FSHR: variants seen among roughly 807,000 people sequenced by gnomAD.
The protein encoded by FSHR is follicle stimulating hormone receptor.
Under a neutral mutation model 52.1 loss-of-function variants are expected in FSHR, and 46 were observed. The ratio of observed to expected loss-of-function variants is 0.88; its 90% CI spans 0.70 to 1.13. FSHR has a LOEUF of 1.13. Among genes scored for constraint, FSHR ranks in the 50% most tolerant of loss-of-function variants. The probability of loss-of-function intolerance (pLI) is 0.00; values close to 1 mark genes in which losing one functional copy is unlikely to be tolerated. For synonymous variants in FSHR, 399 were observed against 309.6 expected, an observed-to-expected ratio of 1.29 and a Z score of -3.03; for missense variants, 964 against 834.6, an observed-to-expected ratio of 1.16 and a Z score of -1.91.
chr2:48,980,205 C>T (rs1356755263), intron 8 of FSHR, among the ~76,000 whole-genome samples: 1 of 152,174 alleles, frequency 6.6e-6, no homozygotes, highest in African/African-American at 2.4e-5. Flanking sequence ...GGGCTTCCAG[C>T]CAGGATCCTG....
chr2:48,980,139 A>G (rs1422339528), intron 8 of FSHR, among the ~76,000 whole-genome samples: 1 of 152,232 alleles, frequency 6.6e-6, no homozygotes, highest in Non-Finnish European at 1.5e-5. Flanking sequence ...CTTGATGTTA[A>G]GGTGAACAAT....
At position 48,963,857 on chromosome 2, in the gene FSHR, A is replaced by G; in HGVS notation, c.964T>C (p.Tyr322His). 1 of 1,614,174 alleles carries G rather than the reference A, an allele frequency of 6.2e-7. No individual in the cohort carries two copies. Among genetic ancestry groups the G allele is most frequent in the Non-Finnish European group, 8.5e-7 (1 of 1,180,002 alleles). Residue 322 changes from tyrosine to histidine, a missense_variant, in exon 10 of 10, where the codon TAC (tyrosine) becomes CAC (histidine). Coordinates refer to ENST00000406846, the MANE Select transcript of FSHR (RefSeq NM_000145.4). Reference sequence around the variant, plus strand: ...TACGTCATGTCAAATCCTCTGCTGTAGCTGGACTCATTGTCTTCTGCCAGA... The same window carrying G: ...TACGTCATGTCAAATCCTCTGCTGTGGCTGGACTCATTGTCTTCTGCCAGA... ...SSLAEDNESSYSRGFDMTYTE... is the reference protein window; with the variant it reads ...SSLAEDNESSHSRGFDMTYTE...
At chr2:49,115,650 T>C (rs1386221745) in intron 1 of FSHR, among the ~76,000 whole-genome samples, 3 of 152,128 alleles carry the variant, frequency 2.0e-5, no homozygotes, top group Non-Finnish European at 4.4e-5. Context: ...TAAATCATGC[T>C]CTATTGTATC....
intron 5 of FSHR, among the ~76,000 whole-genome samples, chr2:48,990,162 T>C (rs1009468526): frequency 7.2e-5 from 11 of 152,162 alleles, no homozygotes; most frequent in African/African-American, 2.7e-4. Context: ...ATTAACTCTT[T>C]AATATGAATG....
At chr2:49,003,789 C>T (rs1666989180) in intron 4 of FSHR, among the ~76,000 whole-genome samples, 1 of 151,160 alleles carries the variant, frequency 6.6e-6, no homozygotes, top group East Asian at 1.9e-4. Flanking sequence ...ACCCCCACCC[C>T]TTGGAGTAGT....
chr2:49,102,640 G>A (rs1160752003), intron 1 of FSHR, among the ~76,000 whole-genome samples: 2 of 152,170 alleles, frequency 1.3e-5, no homozygotes, highest in Admixed American at 1.3e-4. Context: ...GTCTTTAATA[G>A]AGTTAACATA....
At position 48,965,120 on chromosome 2, in the gene FSHR, C is replaced by T. The variant is rs138214299; in HGVS notation, c.855-1154G>A. Among the ~76,000 whole-genome samples the T allele has an allele frequency of 4.1e-4, 63 of 151,882 alleles. No homozygotes were observed. In the East Asian group the frequency reaches 0.01, roughly 25 times the overall value. On this transcript the variant is annotated intron_variant, in intron 9 of 9. Coordinates refer to ENST00000406846, the MANE Select transcript of FSHR (RefSeq NM_000145.4). ...TTGACATAACCTCAGATATAAGTGG[C>T]GAAGTAAGTATCAAACCTTCTTAAG...
intron 1 of FSHR, among the ~76,000 whole-genome samples, chr2:49,085,032 GAC>G (rs1010193281): frequency 1.4e-4 from 21 of 152,014 alleles, no homozygotes; most frequent in Admixed American, 1.3e-4. Context: ...GCCTGGTAGA[GAC>G]ACAACAAAAA....
At chr2:48,996,852 A>C (rs1676044657) in intron 4 of FSHR, among the ~76,000 whole-genome samples, 1 of 152,166 alleles carries the variant, frequency 6.6e-6, no homozygotes, top group Non-Finnish European at 1.5e-5. Flanking sequence ...ATTAATTAGC[A>C]CATACAGAAT....
chr2:48,989,024 T>A lies in FSHR; in HGVS notation c.477A>T (p.Thr159=), dbSNP rs1364923114. The A allele has an allele frequency of 1.9e-6, 3 of 1,613,814 alleles. No individual in the cohort carries two copies. In the African/African-American group the frequency reaches 4.0e-5, roughly 22 times the overall value. ...LDIQDNINIH[T]IERNSFVGLS... ...GCCCCACGAAAGAATTTCTTTCAAT[T>A]GTGTGGATGTTTATGTTATCTTGAA... Residue 159 remains threonine, a synonymous_variant, in exon 6 of 10, where the codon ACA becomes ACT. Transcript: ENST00000406846.
chr2:48,982,528 C>G (rs1188703101), intron 8 of FSHR, among the ~76,000 whole-genome samples: 3 of 152,226 alleles, frequency 2.0e-5, no homozygotes, highest in East Asian at 3.9e-4. Flanking sequence ...GTTTAAATCC[C>G]TGCTGTAACT....
intron 1 of FSHR, among the ~76,000 whole-genome samples, chr2:49,126,330 G>A (rs967698907): frequency 6.8e-6 from 1 of 148,078 alleles, no homozygotes; most frequent in African/African-American, 2.5e-5. Context: ...GAAGAGGGGG[G>A]GAGAGAGAGA....
intron 4 of FSHR, 37 bp downstream of exon 4, chr2:49,017,452 A>C: frequency 6.8e-7 from 1 of 1,467,862 alleles, no homozygotes; most frequent in Non-Finnish European, 9.5e-7. Flanking sequence ...TGCACTATTT[A>C]ATCATAGTGG....
At chr2:49,050,075 C>A (rs1668800579) in intron 2 of FSHR, among the ~76,000 whole-genome samples, 1 of 151,904 alleles carries the variant, frequency 6.6e-6, no homozygotes, top group Non-Finnish European at 1.5e-5. Context: ...TTGGTTGAAG[C>A]AATAAATATA....
intron 6 of FSHR, among the ~76,000 whole-genome samples, chr2:48,985,119 TGAC>T (rs1675432852): frequency 6.6e-6 from 1 of 152,014 alleles, no homozygotes; most frequent in South Asian, 2.1e-4. Flanking sequence ...ATGACGATGA[TGAC>T]GATGATGACG....
intron 2 of FSHR, among the ~76,000 whole-genome samples, chr2:49,028,369 G>A (rs1233417640): frequency 6.6e-6 from 1 of 152,200 alleles, no homozygotes; most frequent in Non-Finnish European, 1.5e-5. Flanking sequence ...ACACATGTGT[G>A]AGTGGCAGCA....
intron 4 of FSHR, among the ~76,000 whole-genome samples, chr2:49,016,923 T>G (rs895999137): frequency 6.6e-6 from 1 of 152,188 alleles, no homozygotes; most frequent in Non-Finnish European, 1.5e-5. Context: ...ATAACACTCA[T>G]GGCTCTGTCA....
At chr2:48,981,555 A>G (rs540483836) in intron 8 of FSHR, among the ~76,000 whole-genome samples, 1 of 152,232 alleles carries the variant, frequency 6.6e-6, no homozygotes, top group Non-Finnish European at 1.5e-5. Flanking sequence ...CTCCATTTGT[A>G]TAGGTTGCCT....
intron 1 of FSHR, among the ~76,000 whole-genome samples, chr2:49,077,190 AG>A (rs1669981871): frequency 6.6e-6 from 1 of 152,230 alleles, no homozygotes; most frequent in Non-Finnish European, 1.5e-5. Flanking sequence ...CTGGGCATCC[AG>A]GTGTTTCCAT....
Sources: allele counts gnomAD v4.1 joint callset (sites outside exome capture counted in the v4.1 genomes callset), GRCh38; gene constraint gnomAD v4.1.1; transcripts MANE v1.5; gene names NCBI Gene and HGNC (gene_info 2026-07-23, HGNC 2026-07-21).